The following FRS2 variants were observed in gnomAD, a reference collection of about 807,000 sequenced individuals.
The protein encoded by FRS2 is FGFR signalling adaptor.
In FRS2, 8 loss-of-function variants were observed where a neutral mutation model predicts 43.9. That is an observed-to-expected ratio of 0.18 (90% confidence interval 0.11 to 0.33). FRS2 has a LOEUF of 0.33. Among genes scored for constraint, FRS2 ranks in the 10% least tolerant of loss-of-function variants. FRS2 has a pLI of 1.00. For synonymous variants in FRS2, 219 were observed against 220.3 expected (o/e 0.99, Z 0.05); for missense variants, 534 against 627.6 (o/e 0.85, Z 1.59).
At chr12:69,570,610 A>G (rs962192252) in intron 6 of FRS2, 93 bp downstream of exon 6, 5 of 737,416 alleles carry the variant, frequency 6.8e-6, no homozygotes, top group Non-Finnish European at 1.1e-5. Flanking sequence ...TTTTCTTCTG[A>G]AAAAAATCCC....
Position 69,574,455 on chromosome 12 carries a change from A to G in FRS2, c.1027A>G (p.Arg343Gly). 1 of 1,614,072 alleles carries G rather than the reference A, an allele frequency of 6.2e-7. No individual in the cohort carries two copies. The highest frequency in any genetic ancestry group is 1.1e-5 in the South Asian group (1 of 91,084). The change falls in exon 9 of 9, where the codon AGA (arginine) becomes GGA (glycine). Residue 343 changes from arginine (R) to glycine (G), a missense_variant. This residue lies in a region of FRS2 where 446 missense variants were observed against 494.2 expected (regional missense o/e 0.90). Transcript: ENST00000549921. ...TQNINNSAQR[R>G]TALLNYENLP... is the part of the protein sequence containing the mutation. ...GAATATCAACAACTCAGCTCAGAGAAGAACTGCATTATTAAACTATGAAAA... is the reference window on the plus strand; with the variant it reads ...GAATATCAACAACTCAGCTCAGAGAGGAACTGCATTATTAAACTATGAAAA...
intron 1 of FRS2, among the ~76,000 whole-genome samples, chr12:69,501,399 A>G (rs1003105279): frequency 1.3e-5 from 2 of 152,196 alleles, no homozygotes; most frequent in African/African-American, 4.8e-5. Context: ...CCAGTGAATC[A>G]TTTTGGCATG....
At chr12:69,550,850 T>A (rs536744888) in intron 3 of FRS2, among the ~76,000 whole-genome samples, 2 of 152,348 alleles carry the variant, frequency 1.3e-5, no homozygotes, top group South Asian at 2.1e-4. Context: ...GAAACCAATA[T>A]TCTTTGTAGC....
chr12:69,560,011 C>T (rs926528232), intron 3 of FRS2, among the ~76,000 whole-genome samples: 1 of 152,108 alleles, frequency 6.6e-6, no homozygotes, highest in African/African-American at 2.4e-5. Context: ...GCACATATAC[C>T]TTCCTAAGCA....
rs377647712 is a variant in FRS2, at chr12:69,569,072, A to C, written c.42A>C (p.Pro14=). The part of the protein sequence containing the change: ...CCSCPDKDTV[P]DNHRNKFKVI... Reference sequence around the variant, plus strand: ...GCTGTCCAGATAAAGACACTGTCCCAGATAACCATCGGAACAAGTTTAAGG... The same window carrying C: ...GCTGTCCAGATAAAGACACTGTCCCCGATAACCATCGGAACAAGTTTAAGG... Residue 14 remains proline (P), a synonymous_variant, in exon 5 of 9, where the codon CCA becomes CCC. Transcript: ENST00000549921. The C allele has an allele frequency of 1.9e-6, 3 of 1,611,576 alleles. No individual in the cohort carries two copies. The highest frequency in any genetic ancestry group is 3.3e-5 in the Admixed American group (2 of 59,868).
Position 69,473,312 on chromosome 12 carries a change from A to C in FRS2, c.-261+2782A>C, listed in dbSNP as rs1047234106. 2.0e-5 allele frequency among the ~76,000 whole-genome samples: 3 copies of C among 152,240 alleles called. No homozygotes were observed. The East Asian group carries it at 5.8e-4, about 29-fold the overall frequency. On this transcript the variant is annotated intron_variant, in intron 1 of 8. Coordinates refer to ENST00000549921, the MANE Select transcript of FRS2 (RefSeq NM_001278356.2). The stretch of plus-strand genomic sequence containing the variant: ...CTGGTGCCAAAGCCTGTGTGTTTCT[A>C]CTGCATCATGTTGCTCCCCAATAAA...
intron 1 of FRS2, among the ~76,000 whole-genome samples, chr12:69,498,559 T>TGG (rs1873134034): frequency 3.9e-5 from 3 of 76,440 alleles, no homozygotes; most frequent in Middle Eastern, 7.8e-3. Flanking sequence ...GTGTTTGGTT[T>TGG]TTTGTTTGTT....
intron 1 of FRS2, among the ~76,000 whole-genome samples, chr12:69,483,004 A>G (rs1242717115): frequency 6.6e-6 from 1 of 152,210 alleles, no homozygotes; most frequent in African/African-American, 2.4e-5. Flanking sequence ...AATATTATAC[A>G]TGCTAGTGCA....
rs557432190 is a variant in FRS2, at chr12:69,516,749, T to C, written c.-260-14116T>C. On this transcript the variant is annotated intron_variant, in intron 1 of 8. Coordinates refer to ENST00000549921, the MANE Select transcript of FRS2 (RefSeq NM_001278356.2). ...TTTAATATGAGAAATGTTATTTCTT[T>C]ATAATTTTTTTGTTTTAATCCAGTA... Among the ~76,000 whole-genome samples, 7 of 152,366 alleles carry C rather than the reference T, an allele frequency of 4.6e-5. No homozygotes were observed. The South Asian group carries it at 8.3e-4, about 18-fold the overall frequency.
At chr12:69,553,900 G>T (rs1593043187) in intron 3 of FRS2, among the ~76,000 whole-genome samples, 1 of 152,350 alleles carries the variant, frequency 6.6e-6, no homozygotes, top group African/African-American at 2.4e-5. Context: ...CCCAGGCTGT[G>T]TGTCTCCATG....
In FRS2 at chr12:69,577,249, G is replaced by A. The variant is rs1447533976; in HGVS notation, c.*2294G>A. 1 of 152,044 alleles carries A rather than the reference G, an allele frequency of 6.6e-6. No individual in the cohort carries two copies. 9.4% of individuals were successfully genotyped at this position (152,044 alleles called of 1,614,324 possible). On this transcript the variant is annotated 3_prime_UTR_variant, in exon 9 of 9. Coordinates refer to ENST00000549921, the MANE Select transcript of FRS2 (RefSeq NM_001278356.2). ...AAAATGGGACCAATTTGTCTGCTAAGAATTTGATTTTAGGTACTATAAGAG... is the reference window on the plus strand; with the variant it reads ...AAAATGGGACCAATTTGTCTGCTAAAAATTTGATTTTAGGTACTATAAGAG...
intron 3 of FRS2, among the ~76,000 whole-genome samples, chr12:69,553,960 A>C (rs554877350): frequency 4.6e-5 from 7 of 152,208 alleles, no homozygotes; most frequent in Admixed American, 6.5e-5. Context: ...CTAAGATGTG[A>C]ATTTTGAGCA....
intron 1 of FRS2, among the ~76,000 whole-genome samples, chr12:69,498,864 G>C (rs1323075767): frequency 6.6e-6 from 1 of 152,134 alleles, no homozygotes; most frequent in African/African-American, 2.4e-5. Context: ...GATTATAAAG[G>C]AGTAATAACA....
intron 1 of FRS2, among the ~76,000 whole-genome samples, chr12:69,489,601 C>T (rs1222666998): frequency 6.7e-6 from 1 of 148,516 alleles, no homozygotes. Flanking sequence ...ACCCAGGAGG[C>T]GGAAATTGCA....
chr12:69,566,200 G>A (rs957011151), intron 4 of FRS2, among the ~76,000 whole-genome samples: 2 of 152,048 alleles, frequency 1.3e-5, no homozygotes, highest in Admixed American at 6.6e-5. Flanking sequence ...TTAACAGGTA[G>A]CTTATGAAGA....
chr12:69,546,028 T>C (rs1407805599), intron 3 of FRS2, among the ~76,000 whole-genome samples: 7 of 152,286 alleles, frequency 4.6e-5, no homozygotes, highest in Admixed American at 3.9e-4. Context: ...ACATTGGATT[T>C]GGCAGTGGTA....
intron 1 of FRS2, among the ~76,000 whole-genome samples, chr12:69,477,635 C>T (rs1008252072): frequency 6.6e-6 from 1 of 151,308 alleles, no homozygotes; most frequent in Non-Finnish European, 1.5e-5. Flanking sequence ...AGTGTTCATC[C>T]TGCGGCTTTT....
chr12:69,497,007 A>G (rs1294128461), intron 1 of FRS2, among the ~76,000 whole-genome samples: 1 of 152,226 alleles, frequency 6.6e-6, no homozygotes, highest in Non-Finnish European at 1.5e-5. Context: ...AATGGATGAT[A>G]TTAAATAAAA....
chr12:69,508,390 A>C (rs894285694), intron 1 of FRS2, among the ~76,000 whole-genome samples: 1 of 152,218 alleles, frequency 6.6e-6, no homozygotes, highest in Non-Finnish European at 1.5e-5. Flanking sequence ...ACATTCCCAA[A>C]GTATTTCTCT....
Sources: allele counts gnomAD v4.1 joint callset (sites outside exome capture counted in the v4.1 genomes callset), GRCh38; gene constraint gnomAD v4.1.1; regional missense constraint gnomAD v4.1.1; transcripts MANE v1.5; gene names NCBI Gene and HGNC (gene_info 2026-07-23, HGNC 2026-07-21).